The following C12orf42 variants were observed in gnomAD, a reference collection of about 807,000 sequenced individuals.
C12orf42 encodes the protein uncharacterized protein C12orf42.
Under a neutral mutation model 21.6 loss-of-function variants are expected in C12orf42, and 25 were observed. The observed-to-expected ratio is 1.16, with a 90% CI of 0.84 to 1.62. C12orf42 has a LOEUF of 1.62. Among genes scored for constraint, C12orf42 ranks in the 40% most tolerant of loss-of-function variants. The pLI is 0.00. For synonymous variants in C12orf42, 174 were observed against 175.0 expected, an observed-to-expected ratio of 0.99 and a Z score of 0.05; for missense variants, 483 against 459.3, an observed-to-expected ratio of 1.05 and a Z score of -0.47.
At chr12:103,411,755 C>A (rs2048866413) in intron 2 of C12orf42, among the ~76,000 whole-genome samples, 1 of 152,156 alleles carries the variant, frequency 6.6e-6, no homozygotes, top group Non-Finnish European at 1.5e-5. Context: ...GGACTACGAG[C>A]AATAAATGTC....
intron 10 of C12orf42, among the ~76,000 whole-genome samples, chr12:103,256,391 A>C (rs1280480965): frequency 6.6e-6 from 1 of 151,782 alleles, no homozygotes; most frequent in Non-Finnish European, 1.5e-5. Context: ...ACTAGGCAAC[A>C]AGGTATGTGC....
chr12:103,554,862 C>T, the C12orf42 span, among the ~76,000 whole-genome samples: 1 of 152,172 alleles, frequency 6.6e-6, no homozygotes, highest in Non-Finnish European at 1.5e-5. Flanking sequence ...CCATCTCCAA[C>T]ACTGGGAATT....
At chr12:103,483,820 C>A (rs1954637952) in intron 1 of C12orf42, among the ~76,000 whole-genome samples, 1 of 152,126 alleles carries the variant, frequency 6.6e-6, no homozygotes, top group Non-Finnish European at 1.5e-5. Flanking sequence ...CCAGCCCCCA[C>A]CACATGACAG....
At chr12:103,358,191 T>C (rs1391950655) in intron 4 of C12orf42, among the ~76,000 whole-genome samples, 1 of 152,100 alleles carries the variant, frequency 6.6e-6, no homozygotes, top group African/African-American at 2.4e-5. Flanking sequence ...GTTTTAATGT[T>C]TCATTAGCCA....
At chr12:103,405,593 G>A (rs563744424) in intron 2 of C12orf42, among the ~76,000 whole-genome samples, 1 of 152,276 alleles carries the variant, frequency 6.6e-6, no homozygotes, top group East Asian at 1.9e-4. Flanking sequence ...GTAGGCACTC[G>A]AGGGTTAGTA....
At chr12:103,170,176 G>A in the C12orf42 span, among the ~76,000 whole-genome samples, 2 of 152,032 alleles carry the variant, frequency 1.3e-5, no homozygotes, top group African/African-American at 4.8e-5. Flanking sequence ...TTAAATTTTG[G>A]AGTGTCCCAG....
chr12:103,389,822 T>C (rs1270663562), intron 3 of C12orf42, among the ~76,000 whole-genome samples: 1 of 152,218 alleles, frequency 6.6e-6, no homozygotes, highest in Non-Finnish European at 1.5e-5. Flanking sequence ...GCATGCGTTG[T>C]GTCAGCGACT....
chr12:103,183,888 C>G, the C12orf42 span, among the ~76,000 whole-genome samples: 13 of 152,030 alleles, frequency 8.6e-5, no homozygotes, highest in East Asian at 1.9e-3. Flanking sequence ...GTCTTTGTGT[C>G]CTTGTTTTCT....
rs76880391 is a variant in C12orf42 at position 103,400,549 on chromosome 12, T to C, written c.147+1058A>G. On this transcript the variant is annotated intron_variant, in intron 3 of 5. Transcript: ENST00000548883. ...AACTAATGAAACACCATATTGCAGG[T>C]GCCTTACTTAGCTATATTCCTCTGC... Among the ~76,000 whole-genome samples, 1,509 of 152,324 alleles carry C rather than the reference T, an allele frequency of 9.9e-3. 128 individuals carry two copies. In the East Asian group the frequency reaches 0.2, roughly 20 times the overall value.
At chr12:103,161,033 T>G in the C12orf42 span, among the ~76,000 whole-genome samples, 4 of 152,238 alleles carry the variant, frequency 2.6e-5, no homozygotes, top group Non-Finnish European at 4.4e-5. Context: ...ACGTCTGGCA[T>G]GCTTGATTGC....
At chr12:103,118,772 T>TAAAAAAAAAAAAAAA in the C12orf42 span, among the ~76,000 whole-genome samples, 11 of 41,656 alleles carry the variant, frequency 2.6e-4, 1 homozygote, top group African/African-American at 1.0e-3. Flanking sequence ...CACTCCAGCC[T>TAAAAAAAAAAAAAAA]AAAAAAAAAA....
At chr12:103,443,733 C>G (rs1951409168) in intron 2 of C12orf42, among the ~76,000 whole-genome samples, 1 of 152,018 alleles carries the variant, frequency 6.6e-6, no homozygotes, top group African/African-American at 2.4e-5. Context: ...GCCAGCTGAG[C>G]AGGGTTGGCA....
At chr12:103,367,811 G>A (rs1478560337) in intron 4 of C12orf42, among the ~76,000 whole-genome samples, 1 of 151,910 alleles carries the variant, frequency 6.6e-6, no homozygotes, top group East Asian at 1.9e-4. Context: ...TAGAATTTGA[G>A]TGTGTACCAC....
intron 1 of C12orf42, among the ~76,000 whole-genome samples, chr12:103,485,308 G>T (rs777391918): frequency 2.0e-5 from 3 of 152,124 alleles, no homozygotes; most frequent in Non-Finnish European, 4.4e-5. Context: ...TTCTGAGGCC[G>T]CTGTTCTGTT....
chr12:103,164,449 G>A, the C12orf42 span: 1 of 455,812 alleles, frequency 2.2e-6, no homozygotes, highest in Non-Finnish European at 4.4e-6. Context: ...TAAGTTCTGA[G>A]CAAATAGGTG....
At chr12:103,489,244 T>G (rs976383050) in intron 1 of C12orf42, among the ~76,000 whole-genome samples, 2 of 152,222 alleles carry the variant, frequency 1.3e-5, no homozygotes, top group African/African-American at 4.8e-5. Flanking sequence ...GGAGGTCCAC[T>G]CCAGACCCTG....
chr12:103,258,541 AT>A (rs2034729134), intron 10 of C12orf42, among the ~76,000 whole-genome samples: 1 of 151,858 alleles, frequency 6.6e-6, no homozygotes, highest in Admixed American at 6.6e-5. Flanking sequence ...TGTTTTAAAA[AT>A]ATATAGAGAA....
intron 10 of C12orf42, among the ~76,000 whole-genome samples, chr12:103,262,999 G>T (rs2034975914): frequency 6.6e-6 from 1 of 152,130 alleles, no homozygotes; most frequent in Non-Finnish European, 1.5e-5. Context: ...CATGTCCTTT[G>T]TAGGGATACG....
At chr12:103,167,383 C>T in the C12orf42 span, among the ~76,000 whole-genome samples, 4 of 152,176 alleles carry the variant, frequency 2.6e-5, no homozygotes, top group African/African-American at 9.7e-5. Context: ...TTGTGTCCCC[C>T]CAAATTGAAG....
Sources: gnomAD v4.1 joint callset for allele counts (sites outside exome capture counted in the v4.1 genomes callset) on GRCh38, gnomAD v4.1.1 for gene constraint, MANE v1.5 for transcripts, NCBI Gene and HGNC (gene_info 2026-07-23, HGNC 2026-07-21) for gene names.